The following PDE4D variants were observed in gnomAD, a reference collection of about 807,000 sequenced individuals.
The protein encoded by PDE4D is 3',5'-cyclic-AMP phosphodiesterase 4D.
PDE4D carries 24 observed loss-of-function variants against 87.4 expected under a neutral mutation model. That is an observed-to-expected ratio of 0.27 (90% confidence interval 0.20 to 0.39). The LOEUF (loss-of-function observed/expected upper bound fraction) is 0.39, where lower values mean the gene tolerates loss of function less well. Among genes scored for constraint, PDE4D ranks in the 10% least tolerant of loss-of-function variants. The probability of loss-of-function intolerance (pLI) is 1.00; values close to 1 mark genes in which losing one functional copy is unlikely to be tolerated. For missense variants in PDE4D, 714 were observed against 1,041.0 expected, an observed-to-expected ratio of 0.69 and a Z score of 4.32; for synonymous variants, 384 against 383.2, an observed-to-expected ratio of 1.00 and a Z score of -0.02.
At chr5:59,510,411 T>TG (rs1393827527) in intron 1 of PDE4D, among the ~76,000 whole-genome samples, 39 of 151,394 alleles carry the variant, frequency 2.6e-4, no homozygotes, top group African/African-American at 8.4e-4. Context: ...CAAACATGAA[T>TG]ATACTAATTA....
intron 5 of PDE4D, among the ~76,000 whole-genome samples, chr5:59,076,091 T>G (rs1765643736): frequency 6.6e-6 from 1 of 152,144 alleles, no homozygotes; most frequent in African/African-American, 2.4e-5. Flanking sequence ...ATACTATAGT[T>G]TCCTTAAAGT....
chr5:60,321,601 A>C (rs1756276656), intron 1 of PDE4D, among the ~76,000 whole-genome samples: 1 of 152,182 alleles, frequency 6.6e-6, no homozygotes, highest in South Asian at 2.1e-4. Flanking sequence ...TCAATATACT[A>C]AACAGACAAC....
At position 58,999,469 on chromosome 5, in the gene PDE4D, A is replaced by G. The variant is rs75497742; in HGVS notation, c.922-6004T>C. ...TTTGTAATCAGAGTAAGGAGTTTTC[A>G]AAAGCTAAGTAAGTCTTACCTTTAT... On this transcript the variant is annotated intron_variant, in intron 6 of 14. Coordinates refer to ENST00000340635, the MANE Select transcript of PDE4D (RefSeq NM_001104631.2). 8.0e-4 allele frequency: 1,118 copies of G among 1,390,566 alleles called. 8 individuals are homozygous for G. The African/African-American group carries it at 0.014, about 18-fold the overall frequency. The allele number at this position is 1,390,566 out of a possible 1,614,324, so 86.1% of individuals were successfully genotyped here.
intron 1 of PDE4D, among the ~76,000 whole-genome samples, chr5:60,428,342 C>A (rs868161028): frequency 2.0e-5 from 3 of 151,128 alleles, no homozygotes; most frequent in Admixed American, 6.6e-5. Flanking sequence ...AAAAAATATT[C>A]AAATGCTCTG....
intron 1 of PDE4D, among the ~76,000 whole-genome samples, chr5:60,421,702 T>C (rs1251525052): frequency 1.3e-5 from 2 of 152,184 alleles, no homozygotes; most frequent in Non-Finnish European, 2.9e-5. Context: ...CTTTGACAAG[T>C]TGACAGAAGT....
At position 60,425,389 on chromosome 5, in the gene PDE4D, A is replaced by G. The variant is rs553297116; in HGVS notation, c.-90+62553T>C. Among the ~76,000 whole-genome samples the G allele has an allele frequency of 7.0e-3, 1,063 of 152,224 alleles. 6 individuals are homozygous for G. Among genetic ancestry groups the G allele is most frequent in the Non-Finnish European group, 0.012 (811 of 68,016 alleles). On this transcript the variant is annotated intron_variant, in intron 1 of 16. Transcript: ENST00000502484. ...TCAGAAATAACACCACACATCTACA[A>G]CCATCTGGTCTTTGACAAACCTGAC...
rs370332041 is a variant in PDE4D, at chr5:59,464,071, C to G, written c.456-248103G>C. On this transcript the variant is annotated intron_variant, in intron 1 of 14. Coordinates refer to ENST00000340635, the MANE Select transcript of PDE4D (RefSeq NM_001104631.2). Reference sequence around the variant, plus strand: ...CCCTAATCTCAAGTACCCAGGGACACAAAAACTGCGGAAGGCTGCAGGGAC... The same window carrying G: ...CCCTAATCTCAAGTACCCAGGGACAGAAAAACTGCGGAAGGCTGCAGGGAC... 1.2e-3 allele frequency among the ~76,000 whole-genome samples: 190 copies of G among 152,276 alleles called. 3 individuals are homozygous for G. In the South Asian group the frequency reaches 0.023, roughly 19 times the overall value.
intron 3 of PDE4D, among the ~76,000 whole-genome samples, chr5:59,920,609 C>T (rs1489293247): frequency 1.3e-5 from 2 of 152,096 alleles, no homozygotes; most frequent in East Asian, 3.9e-4. Context: ...GACCCTGGAG[C>T]CACATTATCC....
chr5:59,563,004 T>C (rs1339897135), intron 1 of PDE4D, among the ~76,000 whole-genome samples: 2 of 152,150 alleles, frequency 1.3e-5, no homozygotes, highest in African/African-American at 4.8e-5. Flanking sequence ...TATTGATAAA[T>C]ATTAAGGTGC....
chr5:60,364,301 C>T (rs888233144), intron 1 of PDE4D, among the ~76,000 whole-genome samples: 2 of 152,112 alleles, frequency 1.3e-5, no homozygotes, highest in African/African-American at 4.8e-5. Context: ...CAGGATCTAT[C>T]AGAAGATCAT....
intron 1 of PDE4D, among the ~76,000 whole-genome samples, chr5:59,269,824 TATAA>T (rs1408088461): frequency 1.3e-5 from 2 of 152,084 alleles, no homozygotes; most frequent in Non-Finnish European, 2.9e-5. Context: ...AAAATTACAG[TATAA>T]ATATTCATTT....
At chr5:59,325,692 T>C (rs183874409) in intron 1 of PDE4D, among the ~76,000 whole-genome samples, 4 of 152,276 alleles carry the variant, frequency 2.6e-5, no homozygotes, top group East Asian at 3.9e-4. Context: ...AGGTAGAAGT[T>C]ACCCCTCCCT....
intron 5 of PDE4D, among the ~76,000 whole-genome samples, chr5:59,102,258 T>G (rs541764515): frequency 9.9e-5 from 15 of 151,892 alleles, no homozygotes; most frequent in Middle Eastern, 3.4e-3. Flanking sequence ...GGCTAATTTT[T>G]TATTTTTAGT....
chr5:60,391,470 T>C (rs1479131320), intron 1 of PDE4D, among the ~76,000 whole-genome samples: 3 of 152,224 alleles, frequency 2.0e-5, no homozygotes, highest in Non-Finnish European at 4.4e-5. Context: ...GCTGAGTTTC[T>C]TTCTGGATGC....
intron 1 of PDE4D, among the ~76,000 whole-genome samples, chr5:59,729,823 CTT>C (rs1757123635): frequency 1.3e-5 from 2 of 152,060 alleles, no homozygotes; most frequent in African/African-American, 2.4e-5. Flanking sequence ...AAATACCACT[CTT>C]AACTTTTCTG....
At chr5:60,397,702 G>T (rs1186606203) in intron 1 of PDE4D, among the ~76,000 whole-genome samples, 2 of 152,172 alleles carry the variant, frequency 1.3e-5, no homozygotes, top group Non-Finnish European at 2.9e-5. Flanking sequence ...TTAGCTAGGA[G>T]AAATAAGTTC....
chr5:60,022,080 TA>T (rs1367202440), intron 2 of PDE4D, among the ~76,000 whole-genome samples: 1 of 152,174 alleles, frequency 6.6e-6, no homozygotes, highest in African/African-American at 2.4e-5. Context: ...GGAGCTGTAT[TA>T]ATGGCTGCTG....
chr5:59,632,152 C>A (rs913176174), intron 1 of PDE4D, among the ~76,000 whole-genome samples: 1 of 152,152 alleles, frequency 6.6e-6, no homozygotes, highest in African/African-American at 2.4e-5. Context: ...CAGAGCCCAC[C>A]GCAGCTCCAC....
At chr5:59,771,461 GAAAGAAAGAAAGAAAGAA>G (rs1267053021) in intron 1 of PDE4D, among the ~76,000 whole-genome samples, 14 of 68,810 alleles carry the variant, frequency 2.0e-4, no homozygotes, top group Middle Eastern at 6.4e-3. Context: ...AAGAAAGAAA[GAAAGAAAGAAAGAAAGAA>G]AGAAAGAGAG....
Sources: allele counts gnomAD v4.1 joint callset (sites outside exome capture counted in the v4.1 genomes callset), GRCh38; gene constraint gnomAD v4.1.1; transcripts MANE v1.5; gene names NCBI Gene and HGNC (gene_info 2026-07-23, HGNC 2026-07-21).